The following DCAF8 variants were observed in gnomAD, a reference collection of about 807,000 sequenced individuals.
The protein encoded by DCAF8 is DDB1- and CUL4-associated factor 8.
DCAF8 carries 20 observed loss-of-function variants against 68.0 expected under a neutral mutation model. That is an observed-to-expected ratio of 0.29 (90% CI 0.21 to 0.43). The LOEUF (loss-of-function observed/expected upper bound fraction) is 0.43. Among genes scored for constraint, DCAF8 ranks in the 20% least tolerant of loss-of-function variants. The probability of loss-of-function intolerance (pLI) is 1.00; values close to 1 mark genes in which losing one functional copy is unlikely to be tolerated. For missense variants in DCAF8, 460 were observed against 771.0 expected (o/e 0.60, Z 4.78); for synonymous variants, 230 against 276.9 (o/e 0.83, Z 1.68).
intron 4 of DCAF8, 119 bp downstream of exon 4, chr1:160,239,578 C>T: frequency 6.2e-7 from 1 of 1,601,672 alleles, no homozygotes; most frequent in Non-Finnish European, 8.5e-7. Context: ...AAAGTAGGGC[C>T]ATGTCCCGAT....
chr1:160,236,495 G>A (rs897530175), intron 6 of DCAF8, among the ~76,000 whole-genome samples: 13 of 151,854 alleles, frequency 8.6e-5, no homozygotes, highest in African/African-American at 3.1e-4. Flanking sequence ...GAAGGACGGA[G>A]GGAGGGAAAA....
chr1:160,216,524 G>C lies in DCAF8; in HGVS notation c.*1068C>G, dbSNP rs896488365. ...TTTTCCCAACCCCTACACCAAAGCA[G>C]GGAACCAGGAAGGGCAGAAATGAGG... is the stretch of plus-strand genomic sequence containing the variant. On this transcript the variant is annotated 3_prime_UTR_variant, in exon 14 of 14. Transcript: ENST00000368074. 1 of 152,582 alleles carries C rather than the reference G, an allele frequency of 6.6e-6. No individual in the cohort carries two copies. The highest frequency in any genetic ancestry group is 1.5e-5 in the Non-Finnish European group (1 of 68,054). The allele number at this position is 152,582 out of a possible 1,614,324, so 9.5% of individuals were successfully genotyped here. A position where few individuals can be genotyped will look rare whatever the true frequency, so the allele number is the denominator to read the frequency against.
At chr1:160,218,747 C>A (rs1045907781) in intron 12 of DCAF8, 102 bp downstream of exon 12, 101 of 1,529,408 alleles carry the variant, frequency 6.6e-5, no homozygotes, top group Admixed American at 1.8e-5. Flanking sequence ...TAGAGCAGTG[C>A]CTTTAAAGAA....
chr1:160,232,113 G>A (rs1655710508), intron 6 of DCAF8, among the ~76,000 whole-genome samples: 1 of 152,184 alleles, frequency 6.6e-6, no homozygotes, highest in Non-Finnish European at 1.5e-5. Flanking sequence ...AGGAGGCTGA[G>A]GGAAGAGAAT....
At position 160,240,133 on chromosome 1, in the gene DCAF8, T is replaced by C. The variant is rs191317846; in HGVS notation, c.287A>G (p.His96Arg). 1.9e-6 allele frequency: 3 copies of C among 1,614,052 alleles called. No individual in the cohort carries two copies. The highest frequency in any genetic ancestry group is 3.3e-5 in the Admixed American group (2 of 59,982). Residue 96 changes from histidine to arginine, a missense_variant, in exon 4 of 14, where the codon CAT (histidine) becomes CGT (arginine). His to Arg is a conservative substitution (Grantham distance 29). Around this residue, in one of 8 missense-constraint regions of DCAF8, gnomAD observed 156 missense variants for 181.4 expected, o/e 0.86. Transcript: ENST00000368074. Reference protein sequence around the residue: ...HYSINDENRVHDRSEEEEEEE... With the variant: ...HYSINDENRVRDRSEEEEEEE... ...CTCTTCCTCTTCCTCTGAGCGGTCATGGACTCGATTTTCATCATTAATGGA... is the reference window on the plus strand; with the variant it reads ...CTCTTCCTCTTCCTCTGAGCGGTCACGGACTCGATTTTCATCATTAATGGA...
intron 2 of DCAF8, among the ~76,000 whole-genome samples, 168 bp from the exon 3 acceptor site, chr1:160,244,202 T>C (rs1656230809): frequency 6.6e-6 from 1 of 152,240 alleles, no homozygotes; most frequent in Non-Finnish European, 1.5e-5. Context: ...TTCTTCCTTA[T>C]GTTTTCTTCC....
chr1:160,252,122 C>T (rs1656622687), intron 2 of DCAF8, among the ~76,000 whole-genome samples: 1 of 152,140 alleles, frequency 6.6e-6, no homozygotes, highest in African/African-American at 2.4e-5. Flanking sequence ...CTGGCACCAC[C>T]CAGTGGCCTA....
chr1:160,226,755 TCTTA>T (rs1352560549), intron 7 of DCAF8, among the ~76,000 whole-genome samples: 4 of 152,188 alleles, frequency 2.6e-5, no homozygotes, highest in African/African-American at 9.7e-5. Context: ...ATTTCCACTT[TCTTA>T]CTTCCTATTC....
chr1:160,254,082 GGGAGGCCGAGGCAGGC>G (rs1263855732), intron 2 of DCAF8, among the ~76,000 whole-genome samples: 1 of 152,022 alleles, frequency 6.6e-6, no homozygotes, highest in Non-Finnish European at 1.5e-5. Flanking sequence ...CCAACACTTT[GGGAGGCCGAGGCAGGC>G]GGATCATGAG....
intron 2 of DCAF8, among the ~76,000 whole-genome samples, chr1:160,248,418 A>G (rs2101756510): frequency 6.6e-6 from 1 of 152,336 alleles, no homozygotes; most frequent in Admixed American, 6.5e-5. Context: ...AAGGACAGTA[A>G]CCAGAATATC....
Position 160,238,753 on chromosome 1 carries a change from G to T in DCAF8, c.724-6C>A. ...CTGTTAGGAAGAAACTTGGCCTGGGGTGTTAAAAATGAAAAAAAGGACACA... is the reference window on the plus strand; with the variant it reads ...CTGTTAGGAAGAAACTTGGCCTGGGTTGTTAAAAATGAAAAAAAGGACACA... On this transcript the variant is annotated splice_polypyrimidine_tract_variant and splice_region_variant and intron_variant, in intron 4 of 13. Coordinates refer to ENST00000368074, the MANE Select transcript of DCAF8 (RefSeq NM_015726.4). The T allele has an allele frequency of 6.3e-7, 1 of 1,586,138 alleles. No homozygotes were observed. The highest frequency in any genetic ancestry group is 8.6e-7 in the Non-Finnish European group (1 of 1,168,908).
At chr1:160,253,386 G>T (rs562293125) in intron 2 of DCAF8, among the ~76,000 whole-genome samples, 2 of 152,014 alleles carry the variant, frequency 1.3e-5, no homozygotes, top group East Asian at 3.9e-4. Flanking sequence ...TCTAAGTGAC[G>T]CTGGTAATCC....
At chr1:160,249,448 T>C (rs1026555648) in intron 2 of DCAF8, among the ~76,000 whole-genome samples, 1 of 152,168 alleles carries the variant, frequency 6.6e-6, no homozygotes, top group Non-Finnish European at 1.5e-5. Context: ...GGCAGTTTCT[T>C]ATGAAGTTAA....
chr1:160,255,671 G>A (rs997347748), intron 2 of DCAF8, among the ~76,000 whole-genome samples: 3 of 152,096 alleles, frequency 2.0e-5, no homozygotes, highest in African/African-American at 7.2e-5. Flanking sequence ...CCAGGCTGGA[G>A]TACACTGGTG....
In DCAF8 at chr1:160,238,540, G is replaced by A; in HGVS notation, c.864+67C>T. The stretch of plus-strand genomic sequence containing the variant: ...ATGTGACACAATGGGCAGAGATAAG[G>A]GAGAACCTTGGCTGAGAACCACAGA... On this transcript the variant is annotated intron_variant, in intron 5 of 13. Transcript: ENST00000368074. 10 of 1,490,536 alleles carry A rather than the reference G, an allele frequency of 6.7e-6. No homozygotes were observed. In the South Asian group the frequency reaches 1.3e-4, roughly 20 times the overall value. 92.3% of individuals were successfully genotyped at this position (1,490,536 alleles called of 1,614,324 possible). A position where few individuals can be genotyped will look rare whatever the true frequency, so the allele number is the denominator to read the frequency against.
At chr1:160,249,782 G>C (rs1443281274) in intron 2 of DCAF8, among the ~76,000 whole-genome samples, 1 of 152,180 alleles carries the variant, frequency 6.6e-6, no homozygotes, top group Non-Finnish European at 1.5e-5. Context: ...AATTGTGGTA[G>C]GTCCACACAA....
At chr1:160,219,236 G>A (rs1031432329) in intron 11 of DCAF8, 7 of 343,638 alleles carry the variant, frequency 2.0e-5, no homozygotes, top group African/African-American at 1.3e-4. Context: ...AGGGGTGGGT[G>A]AGTGGACTGC....
At position 160,224,553 on chromosome 1, in the gene DCAF8, C is replaced by A; in HGVS notation, c.1202-4G>T. Reference sequence around the variant, plus strand: ...TCATTGTAACTGGCCAGGAGCTCTGCCAAGAACAAGAACATAGCAGTGAAG... The same window carrying A: ...TCATTGTAACTGGCCAGGAGCTCTGACAAGAACAAGAACATAGCAGTGAAG... On this transcript the variant is annotated splice_region_variant and splice_polypyrimidine_tract_variant and intron_variant, in intron 9 of 13. Coordinates refer to ENST00000368074, the MANE Select transcript of DCAF8 (RefSeq NM_015726.4). 4 of 1,611,018 alleles carry A rather than the reference C, an allele frequency of 2.5e-6. No individual in the cohort carries two copies. Among genetic ancestry groups the A allele is most frequent in the Non-Finnish European group, 8.5e-7 (1 of 1,177,302 alleles).
intron 2 of DCAF8, among the ~76,000 whole-genome samples, chr1:160,251,331 T>C (rs771378304): frequency 6.6e-6 from 1 of 152,204 alleles, no homozygotes; most frequent in South Asian, 2.1e-4. Flanking sequence ...CTAGTTCTAC[T>C]TTCTCCACCT....
Sources: gnomAD v4.1 joint callset for allele counts (sites outside exome capture counted in the v4.1 genomes callset) on GRCh38, gnomAD v4.1.1 for gene constraint, gnomAD v4.1.1 regional missense constraint, MANE v1.5 for transcripts, NCBI Gene and HGNC (gene_info 2026-07-23, HGNC 2026-07-21) for gene names.